GGACT: variants seen among roughly 807,000 people sequenced by gnomAD.
The protein encoded by GGACT is gamma-glutamylaminecyclotransferase.
For missense variants in GGACT, 241 were observed against 233.2 expected (o/e 1.03, Z -0.22); for synonymous variants, 118 against 115.3 (o/e 1.02, Z -0.15).
intron 2 of GGACT, among the ~76,000 whole-genome samples, chr13:100,543,086 T>G (rs1295986137): frequency 6.6e-6 from 1 of 152,068 alleles, no homozygotes; most frequent in East Asian, 1.9e-4. Flanking sequence ...TTCATATGCC[T>G]GGTACACGTT....
intron 2 of GGACT, among the ~76,000 whole-genome samples, chr13:100,578,033 T>C (rs534384301): frequency 5.9e-5 from 9 of 152,184 alleles, no homozygotes; most frequent in Non-Finnish European, 1.2e-4. Flanking sequence ...AAGGGAAAGA[T>C]AGAAAAGGGA....
chr13:100,546,582 G>T (rs1475366137), intron 2 of GGACT, among the ~76,000 whole-genome samples: 2 of 152,030 alleles, frequency 1.3e-5, no homozygotes, highest in Admixed American at 6.6e-5. Context: ...AGGCTGAGGT[G>T]GGGGGATCGC....
chr13:100,540,880 C>T (rs1167930155), intron 2 of GGACT, among the ~76,000 whole-genome samples: 1 of 152,202 alleles, frequency 6.6e-6, no homozygotes, highest in East Asian at 1.9e-4. Context: ...TTTGGGTGCA[C>T]CAGGCCCCTG....
intron 2 of GGACT, among the ~76,000 whole-genome samples, chr13:100,577,957 T>C (rs1875301464): frequency 6.6e-6 from 1 of 152,178 alleles, no homozygotes; most frequent in Non-Finnish European, 1.5e-5. Flanking sequence ...AGGGTGGGAA[T>C]GATATTTTCA....
rs894149008 is a variant in GGACT, at chr13:100,545,893, C to T, written c.-10-13292G>A. Among the ~76,000 whole-genome samples, 1 of 152,200 alleles carries T rather than the reference C, an allele frequency of 6.6e-6. No homozygotes were observed. The highest frequency in any genetic ancestry group is 2.4e-5 in the African/African-American group (1 of 41,446). On this transcript the variant is annotated intron_variant, in intron 2 of 2. Transcript: ENST00000683975. This position sits in a 1 kb window ranked among gnomAD's most constrained non-coding sequence, Gnocchi z 4.4. ...CCCATCATGTCCCTTCCTACACATG[C>T]GTCAGCCAACCACATACTCGGAAAA...
intron 2 of GGACT, among the ~76,000 whole-genome samples, chr13:100,583,048 A>G (rs73568730): frequency 0.019 from 2,910 of 152,336 alleles, 91 homozygotes; most frequent in African/African-American, 0.067. Context: ...AACTAGGGTA[A>G]TGATAGAAGG....
At chr13:100,542,184 A>C (rs60925272) in intron 2 of GGACT, among the ~76,000 whole-genome samples, 3,556 of 152,348 alleles carry the variant, frequency 0.023, 142 homozygotes, top group African/African-American at 0.081. Flanking sequence ...TACAACCAAG[A>C]GGCTGCCAGT....
intron 2 of GGACT, among the ~76,000 whole-genome samples, chr13:100,566,537 C>A (rs1163129175): frequency 6.6e-6 from 1 of 152,238 alleles, no homozygotes; most frequent in Non-Finnish European, 1.5e-5. Context: ...GACACTGCTG[C>A]CCTTTGCCCC....
intron 2 of GGACT, among the ~76,000 whole-genome samples, chr13:100,567,454 G>A (rs1242781929): frequency 6.6e-6 from 1 of 152,146 alleles, no homozygotes; most frequent in African/African-American, 2.4e-5. Context: ...TTGCTTTCTG[G>A]TTCAAGATGT....
rs570118907 is a variant in GGACT, at chr13:100,556,643, T to C, written c.-10-24042A>G. 1.1e-4 allele frequency among the ~76,000 whole-genome samples: 16 copies of C among 152,156 alleles called. 1 individual carries two copies. In the South Asian group the frequency reaches 2.9e-3, roughly 28 times the overall value. On this transcript the variant is annotated intron_variant, in intron 2 of 2. Coordinates refer to ENST00000683975, the MANE Select transcript of GGACT (RefSeq NM_001195087.2). ...CTAATTCTAAAATTTATATAAAAGG[T>C]AACTTAAAGAGTGTAACTGGATTGT...
At chr13:100,578,271 T>C (rs1417332899) in intron 2 of GGACT, among the ~76,000 whole-genome samples, 1 of 152,250 alleles carries the variant, frequency 6.6e-6, no homozygotes, top group African/African-American at 2.4e-5. Flanking sequence ...GATGTCTTTG[T>C]TATAGATATT....
chr13:100,573,515 G>T (rs1875157642), intron 2 of GGACT, among the ~76,000 whole-genome samples: 1 of 151,944 alleles, frequency 6.6e-6, no homozygotes, highest in Admixed American at 6.6e-5. Context: ...AATATGTTAG[G>T]TTCTTTATTT....
chr13:100,568,365 C>G (rs1444607954), intron 2 of GGACT, among the ~76,000 whole-genome samples: 33 of 152,320 alleles, frequency 2.2e-4, no homozygotes, highest in Non-Finnish European at 4.4e-5. Context: ...ACAACCATGG[C>G]AGAAGGGGAA....
chr13:100,531,822 C>A lies in GGACT; in HGVS notation c.*308G>T. The A allele has an allele frequency of 3.4e-6, 1 of 295,614 alleles. No homozygotes were observed. The highest frequency in any genetic ancestry group is 4.7e-5 in the Admixed American group (1 of 21,460). 18.3% of individuals were successfully genotyped at this position (295,614 alleles called of 1,614,324 possible). A position where few individuals can be genotyped will look rare whatever the true frequency, so the allele number is the denominator to read the frequency against. ...TAAATATTTATTATTATCTTGAGCT[C>A]AAAGCAGAGCCAACAGCAGAAACAA... On this transcript the variant is annotated 3_prime_UTR_variant, in exon 3 of 3. Transcript: ENST00000683975.
chr13:100,581,480 T>A (rs1376557673), intron 2 of GGACT, among the ~76,000 whole-genome samples: 1 of 151,882 alleles, frequency 6.6e-6, no homozygotes, highest in Non-Finnish European at 1.5e-5. Flanking sequence ...AAATAAGGAG[T>A]ATTGGATTAG....
At chr13:100,574,240 T>C (rs1875184524) in intron 2 of GGACT, among the ~76,000 whole-genome samples, 1 of 152,158 alleles carries the variant, frequency 6.6e-6, no homozygotes, top group Admixed American at 6.5e-5. Flanking sequence ...GCAACATGGA[T>C]ACAGCTGGAA....
At chr13:100,562,100 A>C (rs2088767283) in intron 2 of GGACT, among the ~76,000 whole-genome samples, 1 of 152,174 alleles carries the variant, frequency 6.6e-6, no homozygotes, top group Non-Finnish European at 1.5e-5. Flanking sequence ...ATAGGGACAG[A>C]AACTCTTACC....
intron 2 of GGACT, among the ~76,000 whole-genome samples, chr13:100,579,223 T>C (rs769604898): frequency 1.4e-4 from 21 of 152,112 alleles, no homozygotes; most frequent in Non-Finnish European, 2.9e-4. Context: ...AAACAATTAA[T>C]TATGCAAGAC....
rs374410670 is a variant in GGACT, at chr13:100,542,852, G to A, written c.-10-10251C>T. Reference sequence around the variant, plus strand: ...TCATGAGCTGTCCATCTGGTCGGGCGCTGCCTGAAATGCCTGTCACTTATT... The same window carrying A: ...TCATGAGCTGTCCATCTGGTCGGGCACTGCCTGAAATGCCTGTCACTTATT... On this transcript the variant is annotated intron_variant, in intron 2 of 2. Coordinates refer to ENST00000683975, the MANE Select transcript of GGACT (RefSeq NM_001195087.2). 5.9e-5 allele frequency among the ~76,000 whole-genome samples: 9 copies of A among 152,184 alleles called. No individual in the cohort carries two copies. In the East Asian group the frequency reaches 1.3e-3, roughly 23 times the overall value.
Sources: allele counts gnomAD v4.1 joint callset (sites outside exome capture counted in the v4.1 genomes callset), GRCh38; gene constraint gnomAD v4.1.1; non-coding constraint Gnocchi (gnomAD v3.1); transcripts MANE v1.5; gene names NCBI Gene and HGNC (gene_info 2026-07-23, HGNC 2026-07-21).